The following PTPN14 variants were observed in gnomAD, a reference collection of about 807,000 sequenced individuals.
PTPN14 encodes the protein tyrosine-protein phosphatase non-receptor type 14.
PTPN14 carries 53 observed loss-of-function variants against 126.8 expected under a neutral mutation model. That is an observed-to-expected ratio of 0.42 (90% CI 0.34 to 0.53). The LOEUF (loss-of-function observed/expected upper bound fraction) is 0.53. Ranked by LOEUF, PTPN14 falls within the 20% of genes least tolerant of loss-of-function variation. The probability of loss-of-function intolerance (pLI) is 0.08; values close to 1 mark genes in which losing one functional copy is unlikely to be tolerated. For missense variants in PTPN14, 1,257 were observed against 1,552.9 expected, an observed-to-expected ratio of 0.81 and a Z score of 3.20; for synonymous variants, 630 against 599.3, an observed-to-expected ratio of 1.05 and a Z score of -0.75.
rs540862568 is a variant in PTPN14, at chr1:214,402,916, G to C, written c.548C>G (p.Thr183Ser). Residue 183 changes from threonine to serine, a missense_variant, in exon 6 of 19, where the codon ACC (threonine) becomes AGC (serine). Thr to Ser is a moderately conservative substitution (Grantham distance 58). Transcript: ENST00000366956. ...ALEEAVLEEL[T>S]QKVAQEHKAH... ...TTTGTGTTCTTGGGCTACCTTCTGGGTCAGCTCCTCCAGAACAGCCTCTTC... is the reference window on the plus strand; with the variant it reads ...TTTGTGTTCTTGGGCTACCTTCTGGCTCAGCTCCTCCAGAACAGCCTCTTC... The C allele has an allele frequency of 1.2e-6, 2 of 1,613,944 alleles. No homozygotes were observed. Among genetic ancestry groups the C allele is most frequent in the South Asian group, 1.1e-5 (1 of 91,062 alleles).
intron 1 of PTPN14, among the ~76,000 whole-genome samples, chr1:214,471,077 C>CTT (rs528664184): frequency 2.1e-5 from 3 of 139,888 alleles, no homozygotes; most frequent in African/African-American, 2.6e-5. Context: ...CCCCCTAAAT[C>CTT]TTTTTTTTTT....
At chr1:214,362,016 A>G (rs1321659206) in intron 18 of PTPN14, among the ~76,000 whole-genome samples, 1 of 152,238 alleles carries the variant, frequency 6.6e-6, no homozygotes, top group African/African-American at 2.4e-5. Context: ...ACTAAAATAT[A>G]AAGTATGCTA....
At position 214,356,577 on chromosome 1, in the gene PTPN14, C is replaced by CT. The variant is rs1252638924; in HGVS notation, c.*1344dup. The CT allele has an allele frequency of 2.0e-5, 3 of 152,196 alleles. No individual in the cohort carries two copies. The highest frequency in any genetic ancestry group is 7.2e-5 in the African/African-American group (3 of 41,442). 9.4% of individuals were successfully genotyped at this position (152,196 alleles called of 1,614,324 possible). On this transcript the variant is annotated 3_prime_UTR_variant, in exon 19 of 19. Coordinates refer to ENST00000366956, the MANE Select transcript of PTPN14 (RefSeq NM_005401.5). ...TGACCAATGAAGCCATAGGAAGAAACTAAGAACTGGGCTTCAAAGTGAAGA... is the reference window on the plus strand; with the variant it reads ...TGACCAATGAAGCCATAGGAAGAAACTTAAGAACTGGGCTTCAAAGTGAAGA...
chr1:214,357,359 G>C lies in PTPN14; in HGVS notation c.*563C>G, dbSNP rs543453582. ...GAGGATGAGGGGTGGAAATGAAGAC[G>C]AGAGGAAACTGTCTATCAAGGCTCA... On this transcript the variant is annotated 3_prime_UTR_variant, in exon 19 of 19. Coordinates refer to ENST00000366956, the MANE Select transcript of PTPN14 (RefSeq NM_005401.5). 15 of 152,244 alleles carry C rather than the reference G, an allele frequency of 9.9e-5. No individual in the cohort carries two copies. Among genetic ancestry groups the C allele is most frequent in the African/African-American group, 3.4e-4 (14 of 41,532 alleles). 9.4% of individuals were successfully genotyped at this position (152,244 alleles called of 1,614,324 possible). A position where few individuals can be genotyped will look rare whatever the true frequency, so the allele number is the denominator to read the frequency against.
chr1:214,464,412 G>A (rs1403226493), intron 2 of PTPN14, among the ~76,000 whole-genome samples: 3 of 152,096 alleles, frequency 2.0e-5, no homozygotes, highest in South Asian at 2.1e-4. Flanking sequence ...AACCTGCCAC[G>A]CCATGCAGCT....
chr1:214,478,138 A>G (rs1660905361), intron 1 of PTPN14, among the ~76,000 whole-genome samples: 1 of 152,212 alleles, frequency 6.6e-6, no homozygotes, highest in African/African-American at 2.4e-5. Flanking sequence ...CTTTCATTGG[A>G]AATAAAAGCA....
At chr1:214,443,269 G>GAA (rs951011722) in intron 3 of PTPN14, among the ~76,000 whole-genome samples, 48 of 152,124 alleles carry the variant, frequency 3.2e-4, no homozygotes, top group African/African-American at 1.0e-3. Flanking sequence ...TAAAACATAA[G>GAA]AAAATCCTAG....
chr1:214,431,763 T>C (rs144192174), intron 3 of PTPN14, among the ~76,000 whole-genome samples: 2 of 152,256 alleles, frequency 1.3e-5, no homozygotes, highest in African/African-American at 4.8e-5. Context: ...TTCTGTGAAA[T>C]CAGAATAATA....
chr1:214,518,051 G>T (rs1655152741), intron 1 of PTPN14, among the ~76,000 whole-genome samples: 1 of 152,100 alleles, frequency 6.6e-6, no homozygotes, highest in Admixed American at 6.6e-5. Context: ...CAATGCGTTG[G>T]TATCTTTTCA....
intron 1 of PTPN14, among the ~76,000 whole-genome samples, chr1:214,535,007 C>G (rs144822836): frequency 5.9e-5 from 9 of 151,822 alleles, no homozygotes; most frequent in African/African-American, 2.2e-4. Flanking sequence ...CAAAACATGA[C>G]AAGTTATATA....
At chr1:214,421,372 G>A (rs1457658913) in intron 3 of PTPN14, among the ~76,000 whole-genome samples, 2 of 152,156 alleles carry the variant, frequency 1.3e-5, no homozygotes. Context: ...GAAAATAGAC[G>A]AATGGTTGCC....
chr1:214,442,632 T>C (rs1660058733), intron 3 of PTPN14, among the ~76,000 whole-genome samples: 1 of 152,198 alleles, frequency 6.6e-6, no homozygotes, highest in African/African-American at 2.4e-5. Context: ...CCAAGTGATA[T>C]TACAAAAGAA....
At position 214,464,811 on chromosome 1, in the gene PTPN14, T is replaced by C. The variant is rs1248675062; in HGVS notation, c.-8A>G. 6.2e-6 allele frequency: 10 copies of C among 1,613,084 alleles called. No homozygotes were observed. The highest frequency in any genetic ancestry group is 1.1e-5 in the South Asian group (1 of 91,082). On this transcript the variant is annotated 5_prime_UTR_variant, in exon 2 of 19. Transcript: ENST00000366956. The stretch of plus-strand genomic sequence containing the variant: ...CTTCAGACCAAAAGGCATGGCTATG[T>C]GGTCCTCGGACGCCGCCCGCCTATC...
At position 214,414,698 on chromosome 1, in the gene PTPN14, C is replaced by G. The variant is rs1278051669; in HGVS notation, c.373G>C (p.Asp125His). 6.2e-7 allele frequency: 1 copy of G among 1,614,026 alleles called. No individual in the cohort carries two copies. Residue 125 changes from aspartate to histidine, a missense_variant, in exon 4 of 19, where the codon GAT (aspartate) becomes CAT (histidine). Asp to His is a moderately conservative substitution (Grantham distance 81, BLOSUM62 -1). Around this residue, in one of 3 missense-constraint regions of PTPN14, gnomAD observed 1,021 missense variants for 1,183.3 expected, o/e 0.86. Transcript: ENST00000366956. ...RYQYYLQVKK[D>H]VLEGRLRCTL... ...CATCGTAATCGCCCTTCAAGCACAT[C>G]TTTTTTGACTTGCAGGTAATACTGA...
At chr1:214,406,269 A>G (rs1320315111) in intron 5 of PTPN14, among the ~76,000 whole-genome samples, 1 of 152,092 alleles carries the variant, frequency 6.6e-6, no homozygotes, top group Non-Finnish European at 1.5e-5. Context: ...CTTGAGGCCA[A>G]GAGTTTGAGA....
At chr1:214,545,324 T>C (rs1485700997) in intron 1 of PTPN14, among the ~76,000 whole-genome samples, 1 of 152,128 alleles carries the variant, frequency 6.6e-6, no homozygotes, top group Admixed American at 6.5e-5. Flanking sequence ...TGCTGGTATT[T>C]GGCCAGGGTC....
intron 1 of PTPN14, among the ~76,000 whole-genome samples, chr1:214,546,930 G>A (rs544150476): frequency 6.6e-6 from 1 of 151,950 alleles, no homozygotes; most frequent in Admixed American, 6.6e-5. Flanking sequence ...AGCTTGAGGG[G>A]GGAAGAAAAG....
chr1:214,435,780 C>T (rs376953694), intron 3 of PTPN14, among the ~76,000 whole-genome samples: 18 of 152,158 alleles, frequency 1.2e-4, no homozygotes, highest in East Asian at 7.7e-4. Context: ...TTATACACTG[C>T]TGGTGGGAAT....
At chr1:214,401,664 G>T in intron 7 of PTPN14, 21 bp downstream of exon 7, 1 of 1,519,928 alleles carries the variant, frequency 6.6e-7, no homozygotes, top group Non-Finnish European at 9.0e-7. Flanking sequence ...GTTAAAGCCA[G>T]CACAGGGCAC....
Sources: gnomAD v4.1 joint callset for allele counts (sites outside exome capture counted in the v4.1 genomes callset) on GRCh38, gnomAD v4.1.1 for gene constraint, gnomAD v4.1.1 regional missense constraint, MANE v1.5 for transcripts, NCBI Gene and HGNC (gene_info 2026-07-23, HGNC 2026-07-21) for gene names.